The following NOS1AP variants were observed in gnomAD, a reference collection of about 807,000 sequenced individuals.
NOS1AP encodes the protein carboxyl-terminal PDZ ligand of neuronal nitric oxide synthase protein.
A neutral mutation model predicts 56.2 loss-of-function variants in NOS1AP; 21 were observed. That is an observed-to-expected ratio of 0.37 (90% CI 0.26 to 0.54). NOS1AP has a LOEUF of 0.54. Ranked by LOEUF, NOS1AP falls within the 20% of genes least tolerant of loss-of-function variation. The probability of loss-of-function intolerance (pLI) is 0.84; values close to 1 mark genes in which losing one functional copy is unlikely to be tolerated. For missense variants in NOS1AP, 522 were observed against 657.8 expected (o/e 0.79, Z 2.26); for synonymous variants, 270 against 274.6 (o/e 0.98, Z 0.17).
intron 3 of NOS1AP, among the ~76,000 whole-genome samples, chr1:162,295,054 C>T (rs1283463727): frequency 2.0e-5 from 3 of 152,196 alleles, no homozygotes; most frequent in Non-Finnish European, 4.4e-5. Flanking sequence ...AAGACCAGCC[C>T]TGCTGGTGCC....
At chr1:162,098,492 G>A (rs1052921990) in intron 1 of NOS1AP, among the ~76,000 whole-genome samples, 1 of 99,280 alleles carries the variant, frequency 1.0e-5, no homozygotes, top group African/African-American at 3.5e-5. Flanking sequence ...AATTAACGGT[G>A]TCGTTTTTTT....
At chr1:162,157,615 C>G (rs905059746) in intron 2 of NOS1AP, among the ~76,000 whole-genome samples, 4 of 152,114 alleles carry the variant, frequency 2.6e-5, no homozygotes, top group African/African-American at 9.7e-5. Context: ...AGTGGGTAGA[C>G]CTTGGAAAAC....
At chr1:162,241,986 A>G (rs1653502012) in intron 2 of NOS1AP, among the ~76,000 whole-genome samples, 1 of 152,240 alleles carries the variant, frequency 6.6e-6, no homozygotes, top group Non-Finnish European at 1.5e-5. Context: ...ACAATGAAAG[A>G]AAACAAAGCT....
At chr1:162,346,411 C>T (rs1393532519) in intron 6 of NOS1AP, among the ~76,000 whole-genome samples, 1 of 150,890 alleles carries the variant, frequency 6.6e-6, no homozygotes, top group Non-Finnish European at 1.5e-5. Context: ...ATTTTGCTTA[C>T]TTAAAAAAGT....
rs7553106 is a variant in NOS1AP, at chr1:162,323,920, G to A, written c.345-9097G>A. Among the ~76,000 whole-genome samples, 244 of 152,302 alleles carry A rather than the reference G, an allele frequency of 1.6e-3. 2 individuals are homozygous for A. Among genetic ancestry groups the A allele is most frequent in the African/African-American group, 5.6e-3 (232 of 41,566 alleles). ...AGGAAGGGTGCGAACCTTTGTTGAT[G>A]ATTATTTTGCACTGGGAAGATTTTG... On this transcript the variant is annotated intron_variant, in intron 4 of 9. Coordinates refer to ENST00000361897, the MANE Select transcript of NOS1AP (RefSeq NM_014697.3).
chr1:162,279,785 A>G (rs1448267385), intron 2 of NOS1AP, among the ~76,000 whole-genome samples: 2 of 152,182 alleles, frequency 1.3e-5, no homozygotes, highest in East Asian at 3.9e-4. Flanking sequence ...AATGAATTTT[A>G]TTTCCTGGAG....
intron 2 of NOS1AP, among the ~76,000 whole-genome samples, chr1:162,215,518 G>A (rs1652540551): frequency 6.6e-6 from 1 of 152,208 alleles, no homozygotes; most frequent in South Asian, 2.1e-4. Context: ...ATGCAAACAT[G>A]GATGCTGGGC....
intron 3 of NOS1AP, among the ~76,000 whole-genome samples, chr1:162,300,164 C>T (rs1017762911): frequency 2.0e-5 from 3 of 152,164 alleles, no homozygotes; most frequent in African/African-American, 4.8e-5. Context: ...ACCCTAATGG[C>T]CCCCCACACT....
chr1:162,284,388 G>A lies in NOS1AP; in HGVS notation c.178-2956G>A, dbSNP rs75076567. Reference sequence around the variant, plus strand: ...GGCAGGTGGGGAAGATGCAGAGTGTGTCCAACCCAAGAGTCCTTATAAATA... The same window carrying A: ...GGCAGGTGGGGAAGATGCAGAGTGTATCCAACCCAAGAGTCCTTATAAATA... On this transcript the variant is annotated intron_variant, in intron 2 of 9. Coordinates refer to ENST00000361897, the MANE Select transcript of NOS1AP (RefSeq NM_014697.3). Among the ~76,000 whole-genome samples the A allele has an allele frequency of 7.0e-3, 1,059 of 152,304 alleles. 8 individuals are homozygous for A. The highest frequency in any genetic ancestry group is 0.025 in the African/African-American group (1,021 of 41,574).
intron 2 of NOS1AP, among the ~76,000 whole-genome samples, chr1:162,187,032 T>C (rs919969463): frequency 2.0e-5 from 3 of 152,290 alleles, no homozygotes; most frequent in Admixed American, 1.3e-4. Context: ...AGTGACCTGA[T>C]CTCGGCTCAC....
intron 1 of NOS1AP, among the ~76,000 whole-genome samples, chr1:162,085,519 C>T (rs907456453): frequency 1.3e-5 from 2 of 152,150 alleles, no homozygotes; most frequent in Non-Finnish European, 2.9e-5. Flanking sequence ...TGTGTACTCC[C>T]TCATAAATTC....
chr1:162,300,639 T>G lies in NOS1AP; in HGVS notation c.277T>G (p.Leu93Val). Reference sequence around the variant, plus strand: ...CTAACTTATTCATTTACAGCTTCTTTTATTGCAGAAAAAGGAATGGACGTG... The same window carrying G: ...CTAACTTATTCATTTACAGCTTCTTGTATTGCAGAAAAAGGAATGGACGTG... Reference protein sequence around the residue: ...VILKKKKKLLLLQKKEWTWDE... With the variant: ...VILKKKKKLLVLQKKEWTWDE... The change falls in exon 4 of 10, where the codon TTA becomes GTA. Residue 93 changes from leucine (L) to valine (V), a missense_variant. By Grantham distance (32) the Leu-to-Val change is conservative. Around this residue, in one of 4 missense-constraint regions of NOS1AP, gnomAD observed 132 missense variants for 218.1 expected, o/e 0.61. Transcript: ENST00000361897. 1 of 1,613,904 alleles carries G rather than the reference T, an allele frequency of 6.2e-7. No individual in the cohort carries two copies. The highest frequency in any genetic ancestry group is 1.1e-5 in the South Asian group (1 of 91,080).
At chr1:162,220,095 C>T (rs1652719408) in intron 2 of NOS1AP, among the ~76,000 whole-genome samples, 1 of 152,134 alleles carries the variant, frequency 6.6e-6, no homozygotes, top group Non-Finnish European at 1.5e-5. Context: ...TCATACCCGG[C>T]TAATTTTAAA....
intron 2 of NOS1AP, among the ~76,000 whole-genome samples, chr1:162,183,301 G>A (rs1043776769): frequency 1.3e-5 from 2 of 152,226 alleles, no homozygotes; most frequent in East Asian, 3.8e-4. Flanking sequence ...ATGCTGTAAA[G>A]AGATGGGCTG....
chr1:162,141,933 G>T (rs1490770320), intron 1 of NOS1AP, among the ~76,000 whole-genome samples: 1 of 152,168 alleles, frequency 6.6e-6, no homozygotes, highest in Non-Finnish European at 1.5e-5. Flanking sequence ...GGCAGGTAAA[G>T]AACTAGAAAA....
chr1:162,162,284 A>G (rs962451788), intron 2 of NOS1AP, among the ~76,000 whole-genome samples: 1 of 152,238 alleles, frequency 6.6e-6, no homozygotes, highest in Non-Finnish European at 1.5e-5. Context: ...TGAAGGACAC[A>G]TGACTGCACT....
chr1:162,354,477 G>T (rs4657186), intron 6 of NOS1AP, among the ~76,000 whole-genome samples: 1 of 152,254 alleles, frequency 6.6e-6, no homozygotes, highest in African/African-American at 2.4e-5. Flanking sequence ...TAAAGACATG[G>T]CCATTGTCTT....
intron 2 of NOS1AP, among the ~76,000 whole-genome samples, chr1:162,259,469 C>T (rs1654139863): frequency 6.6e-6 from 1 of 152,074 alleles, no homozygotes; most frequent in Admixed American, 6.6e-5. Context: ...AAATTTTATA[C>T]AATAGTTTGA....
chr1:162,148,121 A>G (rs1649558187), intron 1 of NOS1AP, among the ~76,000 whole-genome samples: 2 of 152,216 alleles, frequency 1.3e-5, no homozygotes, highest in Non-Finnish European at 2.9e-5. Context: ...GTGGGACTAT[A>G]CAGAGTGTAA....
Sources: gnomAD v4.1 joint callset for allele counts (sites outside exome capture counted in the v4.1 genomes callset) on GRCh38, gnomAD v4.1.1 for gene constraint, gnomAD v4.1.1 regional missense constraint, MANE v1.5 for transcripts, NCBI Gene and HGNC (gene_info 2026-07-23, HGNC 2026-07-21) for gene names.